NEGR1: variants seen among roughly 807,000 people sequenced by gnomAD.
The protein encoded by NEGR1 is neuronal growth regulator 1.
A neutral mutation model predicts 40.9 loss-of-function variants in NEGR1; 10 were observed. The ratio of observed to expected loss-of-function variants is 0.24; its 90% CI spans 0.15 to 0.42. NEGR1 has a LOEUF of 0.42. Ranked by LOEUF, NEGR1 falls within the 10% of genes least tolerant of loss-of-function variation. The probability of loss-of-function intolerance (pLI) is 1.00; values close to 1 mark genes in which losing one functional copy is unlikely to be tolerated. For synonymous variants in NEGR1, 185 were observed against 166.8 expected, an observed-to-expected ratio of 1.11 and a Z score of -0.84; for missense variants, 352 against 438.9, an observed-to-expected ratio of 0.80 and a Z score of 1.77.
chr1:71,602,813 CTTTG>C (rs964528691), intron 5 of NEGR1, among the ~76,000 whole-genome samples: 2 of 152,184 alleles, frequency 1.3e-5, no homozygotes, highest in African/African-American at 2.4e-5. Context: ...CCACTTTCAT[CTTTG>C]TTTGACCCAA....
intron 2 of NEGR1, among the ~76,000 whole-genome samples, chr1:71,920,066 A>G (rs1645693323): frequency 6.6e-6 from 1 of 152,056 alleles, no homozygotes; most frequent in Non-Finnish European, 1.5e-5. Context: ...AGCCTCCTAC[A>G]ACTGCTCCCC....
At chr1:71,583,621 T>C (rs2101508462) in intron 6 of NEGR1, among the ~76,000 whole-genome samples, 1 of 152,332 alleles carries the variant, frequency 6.6e-6, no homozygotes, top group Admixed American at 6.5e-5. Context: ...TGTATGCATA[T>C]CATAAACTAA....
intron 1 of NEGR1, among the ~76,000 whole-genome samples, chr1:72,041,670 T>C (rs886602277): frequency 6.7e-6 from 1 of 150,022 alleles, no homozygotes; most frequent in Non-Finnish European, 1.5e-5. Flanking sequence ...TTTGTTGAAA[T>C]GATTTATGTT....
At chr1:71,877,020 G>A (rs542798790) in intron 2 of NEGR1, among the ~76,000 whole-genome samples, 1 of 152,036 alleles carries the variant, frequency 6.6e-6, no homozygotes, top group East Asian at 1.9e-4. Context: ...TAGTGTGGAT[G>A]GAAATAAAAT....
chr1:72,262,071 G>A (rs961480564), intron 1 of NEGR1, among the ~76,000 whole-genome samples: 3 of 152,092 alleles, frequency 2.0e-5, no homozygotes, highest in African/African-American at 7.2e-5. Flanking sequence ...AGCATATCAC[G>A]TGGGGGAAAA....
intron 6 of NEGR1, among the ~76,000 whole-genome samples, chr1:71,474,517 TACACACACACACAC>T (rs57225665): frequency 0.013 from 1,530 of 115,446 alleles, 31 homozygotes; most frequent in African/African-American, 0.049. Flanking sequence ...CTACTAACAA[TACACACACACACAC>T]ACACACACAC....
intron 5 of NEGR1, among the ~76,000 whole-genome samples, chr1:71,603,351 C>T (rs1649984064): frequency 6.6e-6 from 1 of 152,182 alleles, no homozygotes; most frequent in Non-Finnish European, 1.5e-5. Context: ...AAAAGAGAAA[C>T]AGAATGTACT....
rs543429395 is a variant in NEGR1 at position 72,111,586 on chromosome 1, T to C, written c.176+170733A>G. Among the ~76,000 whole-genome samples the C allele has an allele frequency of 2.6e-5, 4 of 151,896 alleles. No homozygotes were observed. In the South Asian group the frequency reaches 8.3e-4, roughly 31 times the overall value. ...CATTTAAAGATGATAAGATACAACA[T>C]GGATTCACAAAGATATCAGAGTTTA... is the stretch of plus-strand genomic sequence containing the variant. On this transcript the variant is annotated intron_variant, in intron 1 of 6. Transcript: ENST00000357731.
chr1:71,796,327 A>G (rs1657323592), intron 2 of NEGR1, among the ~76,000 whole-genome samples: 1 of 152,120 alleles, frequency 6.6e-6, no homozygotes, highest in Non-Finnish European at 1.5e-5. Flanking sequence ...TTTGAGAAAA[A>G]GATACTCTGT....
intron 6 of NEGR1, among the ~76,000 whole-genome samples, chr1:71,424,186 T>C (rs142003554): frequency 6.6e-6 from 1 of 152,108 alleles, no homozygotes; most frequent in African/African-American, 2.4e-5. Flanking sequence ...AATTCAATCA[T>C]AGACATAAGG....
Position 71,527,161 on chromosome 1 carries a change from A to G in NEGR1, c.940+65656T>C, listed in dbSNP as rs188472901. 9.2e-4 allele frequency among the ~76,000 whole-genome samples: 139 copies of G among 151,672 alleles called. No homozygotes were observed. The Middle Eastern group carries it at 0.01, about 11-fold the overall frequency. On this transcript the variant is annotated intron_variant, in intron 6 of 6. Coordinates refer to ENST00000357731, the MANE Select transcript of NEGR1 (RefSeq NM_173808.3). ...TTTTGTTTTCATGTCCCTCTCATTC[A>G]TTGAAATGTGAGATTCACAAAAATA... is the stretch of plus-strand genomic sequence containing the variant.
chr1:71,620,299 T>TG (rs1339017282), intron 4 of NEGR1, among the ~76,000 whole-genome samples: 1 of 151,990 alleles, frequency 6.6e-6, no homozygotes, highest in Non-Finnish European at 1.5e-5. Context: ...GAAAACGCTG[T>TG]GGAAAATAAG....
chr1:72,094,601 C>T (rs980725094), intron 1 of NEGR1, among the ~76,000 whole-genome samples: 4 of 152,146 alleles, frequency 2.6e-5, no homozygotes, highest in Non-Finnish European at 5.9e-5. Context: ...GTATAAAGAT[C>T]ATCCCAATCA....
At chr1:72,116,925 T>C (rs1296289416) in intron 1 of NEGR1, among the ~76,000 whole-genome samples, 1 of 151,746 alleles carries the variant, frequency 6.6e-6, no homozygotes, top group African/African-American at 2.4e-5. Flanking sequence ...TTATATGACA[T>C]CAAAATAGTT....
At chr1:71,445,715 A>G (rs1003412694) in intron 6 of NEGR1, among the ~76,000 whole-genome samples, 2 of 152,204 alleles carry the variant, frequency 1.3e-5, no homozygotes, top group Non-Finnish European at 2.9e-5. Flanking sequence ...AAGCCCCAAT[A>G]TGCGTCTTCT....
chr1:71,735,592 T>A (rs1482406920), intron 3 of NEGR1, among the ~76,000 whole-genome samples: 1 of 151,892 alleles, frequency 6.6e-6, no homozygotes, highest in Admixed American at 6.6e-5. Context: ...ATAAGCAAGA[T>A]TCTAGTAGCT....
At chr1:71,809,390 T>G (rs1158196110) in intron 2 of NEGR1, among the ~76,000 whole-genome samples, 1 of 152,198 alleles carries the variant, frequency 6.6e-6, no homozygotes, top group Non-Finnish European at 1.5e-5. Context: ...GCCACCCACA[T>G]GGTGAAGCAA....
intron 1 of NEGR1, among the ~76,000 whole-genome samples, chr1:72,081,753 C>A (rs1402077600): frequency 6.6e-6 from 1 of 151,960 alleles, no homozygotes; most frequent in Non-Finnish European, 1.5e-5. Context: ...TAGTGAGTGG[C>A]AAAATTTGAA....
chr1:71,560,764 C>T (rs886208066), intron 6 of NEGR1, among the ~76,000 whole-genome samples: 29 of 151,344 alleles, frequency 1.9e-4, no homozygotes, highest in African/African-American at 6.5e-4. Flanking sequence ...ATATCCTTTA[C>T]ATAGTGTGAT....
Sources: allele counts gnomAD v4.1 joint callset (sites outside exome capture counted in the v4.1 genomes callset), GRCh38; gene constraint gnomAD v4.1.1; transcripts MANE v1.5; gene names NCBI Gene and HGNC (gene_info 2026-07-23, HGNC 2026-07-21).